SH3BGRL: variants seen among roughly 807,000 people sequenced by gnomAD.
SH3BGRL encodes the protein adapter SH3BGRL.
In SH3BGRL, 7 loss-of-function variants were observed where a neutral mutation model predicts 9.8. The ratio of observed to expected loss-of-function variants is 0.72; its 90% CI spans 0.41 to 1.35. SH3BGRL has a LOEUF of 1.35. Among genes scored for constraint, SH3BGRL ranks in the 40% most tolerant of loss-of-function variants. The pLI, the probability that SH3BGRL is intolerant of heterozygous loss-of-function variation, is 0.01. For missense variants in SH3BGRL, 73 were observed against 84.4 expected (o/e 0.86, Z 0.53); for synonymous variants, 36 against 29.1 (o/e 1.24, Z -0.76).
intron 1 of SH3BGRL, among the ~76,000 whole-genome samples, chrX:81,259,138 T>C (rs1224874185): frequency 8.9e-6 from 1 of 111,963 alleles, no homozygotes; most frequent in African/African-American, 3.2e-5. Flanking sequence ...GCTACCAAAT[T>C]TGGTTTGCAT....
At chrX:81,268,941 T>C (rs2075767154) in intron 1 of SH3BGRL, among the ~76,000 whole-genome samples, 2 of 112,161 alleles carry the variant, frequency 1.8e-5, no homozygotes, top group African/African-American at 6.5e-5. Context: ...TTAGCTCTTC[T>C]TGTTGAATTG....
rs2075529628 is a variant in SH3BGRL, at chrX:81,202,162, C to T, written c.-39C>T. ...CCATTGCTGCAGCTGCTCCACAGCCCTTTTCAGGACCCAAACAACCGCAGC... is the reference window on the plus strand; with the variant it reads ...CCATTGCTGCAGCTGCTCCACAGCCTTTTTCAGGACCCAAACAACCGCAGC... On this transcript the variant is annotated 5_prime_UTR_variant, in exon 1 of 4. Coordinates refer to ENST00000373212, the MANE Select transcript of SH3BGRL (RefSeq NM_003022.3). 1.7e-6 allele frequency: 2 copies of T among 1,194,730 alleles called. No individual in the cohort carries two copies. The highest frequency in any genetic ancestry group is 2.3e-6 in the Non-Finnish European group (2 of 883,536).
chrX:81,253,307 A>G (rs973393549), intron 1 of SH3BGRL, among the ~76,000 whole-genome samples: 1 of 112,244 alleles, frequency 8.9e-6, no homozygotes, highest in Non-Finnish European at 1.9e-5. Flanking sequence ...GAGATGGAAG[A>G]GTTCAGTCTG....
chrX:81,290,573 G>A (rs903571066), intron 3 of SH3BGRL, among the ~76,000 whole-genome samples: 3 of 110,717 alleles, frequency 2.7e-5, no homozygotes, highest in Non-Finnish European at 5.7e-5. Flanking sequence ...GTTACCAGAG[G>A]TTGAGAAAGG....
intron 1 of SH3BGRL, among the ~76,000 whole-genome samples, chrX:81,226,411 A>T (rs2147676533): frequency 9.4e-6 from 1 of 106,659 alleles, no homozygotes; most frequent in Admixed American, 1.0e-4. Flanking sequence ...CCAGCTTCTA[A>T]TTTGAGCCTC....
rs2075878770 is a variant in SH3BGRL at position 81,297,355 on chromosome X, A to G, written c.*128A>G. 1 of 508,525 alleles carries G rather than the reference A, an allele frequency of 2.0e-6. No homozygotes were observed. The highest frequency in any genetic ancestry group is 3.2e-6 in the Non-Finnish European group (1 of 308,810). 41.9% of individuals were successfully genotyped at this position (508,525 alleles called of 1,213,427 possible). The stretch of plus-strand genomic sequence containing the variant: ...AATAATAGATTAGTTGGGTTTTCAC[A>G]TGCAAACATTCAAAATGAATACAAA... On this transcript the variant is annotated 3_prime_UTR_variant, in exon 4 of 4. Transcript: ENST00000373212.
At position 81,297,398 on chromosome X, in the gene SH3BGRL, A is replaced by G. The variant is rs951839132; in HGVS notation, c.*171A>G. ...AATACAAAATTAAAATTTGAACATT[A>G]TGGTGATTATGGTGAGGAGAATGGG... is the stretch of plus-strand genomic sequence containing the variant. On this transcript the variant is annotated 3_prime_UTR_variant, in exon 4 of 4. Transcript: ENST00000373212. 5.0e-6 allele frequency: 2 copies of G among 401,222 alleles called. No homozygotes were observed. The highest frequency in any genetic ancestry group is 8.8e-6 in the Non-Finnish European group (2 of 228,321). 33.1% of individuals were successfully genotyped at this position (401,222 alleles called of 1,213,427 possible). A position where few individuals can be genotyped will look rare whatever the true frequency, so the allele number is the denominator to read the frequency against.
chrX:81,282,775 C>T (rs1287812263), intron 3 of SH3BGRL, among the ~76,000 whole-genome samples: 1 of 111,312 alleles, frequency 9.0e-6, no homozygotes, highest in Non-Finnish European at 1.9e-5. Flanking sequence ...ACTAAAGAAA[C>T]AAGAACAAAC....
chrX:81,280,640 G>A (rs997313233), intron 3 of SH3BGRL, among the ~76,000 whole-genome samples: 2 of 111,919 alleles, frequency 1.8e-5, no homozygotes, highest in Non-Finnish European at 3.8e-5. Context: ...CATCAAGGGA[G>A]CACCCCATGG....
intron 1 of SH3BGRL, among the ~76,000 whole-genome samples, chrX:81,225,301 A>C (rs2075613373): frequency 9.0e-6 from 1 of 111,195 alleles, no homozygotes; most frequent in African/African-American, 3.3e-5. Flanking sequence ...TTTATAATTT[A>C]GGGGGTACAA....
At chrX:81,233,831 C>T (rs962741808) in intron 1 of SH3BGRL, among the ~76,000 whole-genome samples, 2 of 111,431 alleles carry the variant, frequency 1.8e-5, no homozygotes, top group Admixed American at 9.6e-5. Context: ...TTTCATTGTT[C>T]GACTAAGACA....
chrX:81,233,990 C>T (rs1371965579), intron 1 of SH3BGRL, among the ~76,000 whole-genome samples: 1 of 111,427 alleles, frequency 9.0e-6, no homozygotes, highest in Non-Finnish European at 1.9e-5. Flanking sequence ...TTTAAATGTC[C>T]TGTTGAGGAA....
At chrX:81,232,394 T>C (rs1264348795) in intron 1 of SH3BGRL, among the ~76,000 whole-genome samples, 1 of 106,205 alleles carries the variant, frequency 9.4e-6, no homozygotes, top group Non-Finnish European at 1.9e-5. Flanking sequence ...AGTAGTGAAT[T>C]AGTGATGATG....
intron 1 of SH3BGRL, among the ~76,000 whole-genome samples, chrX:81,252,285 C>T (rs2075713227): frequency 9.0e-6 from 1 of 111,647 alleles, no homozygotes; most frequent in Admixed American, 9.6e-5. Context: ...ATCCAATACC[C>T]GTTTGCTGTC....
At chrX:81,246,318 G>A (rs1039365044) in intron 1 of SH3BGRL, among the ~76,000 whole-genome samples, 13 of 111,388 alleles carry the variant, frequency 1.2e-4, no homozygotes, top group South Asian at 7.5e-4. Flanking sequence ...CTTTAATTAC[G>A]TCACACTTGT....
At chrX:81,231,441 A>T (rs2075632674) in intron 1 of SH3BGRL, among the ~76,000 whole-genome samples, 1 of 112,362 alleles carries the variant, frequency 8.9e-6, no homozygotes, top group Admixed American at 9.4e-5. Context: ...GTCATTATTC[A>T]TATTCATCAC....
Position 81,297,317 on chromosome X carries a change from G to A in SH3BGRL, c.*90G>A. ...AATTAGCTTTGCTTCAAAAGAAATA[G>A]GCTTAATGTTGAAATAATAGATTAG... On this transcript the variant is annotated 3_prime_UTR_variant, in exon 4 of 4. Coordinates refer to ENST00000373212, the MANE Select transcript of SH3BGRL (RefSeq NM_003022.3). 6 of 703,810 alleles carry A rather than the reference G, an allele frequency of 8.5e-6. No homozygotes were observed. The highest frequency in any genetic ancestry group is 3.3e-5 in the South Asian group (1 of 30,187). 58.0% of individuals were successfully genotyped at this position (703,810 alleles called of 1,213,427 possible).
At position 81,213,990 on chromosome X, in the gene SH3BGRL, G is replaced by T. The variant is rs949398860; in HGVS notation, c.45+11745G>T. ...AACTCACTAGGAAAAAGGAATTATG[G>T]CATGAGATGAGAAGAGAGCTGAAAA... is the stretch of plus-strand genomic sequence containing the variant. On this transcript the variant is annotated intron_variant, in intron 1 of 3. Transcript: ENST00000373212. 2.7e-5 allele frequency among the ~76,000 whole-genome samples: 3 copies of T among 111,756 alleles called. 1 individual carries two copies. The Admixed American group carries it at 2.9e-4, about 11-fold the overall frequency.
chrX:81,294,014 T>G (rs1402346939), intron 3 of SH3BGRL, among the ~76,000 whole-genome samples: 1 of 111,444 alleles, frequency 9.0e-6, no homozygotes, highest in Non-Finnish European at 1.9e-5. Context: ...GAAGAAATTT[T>G]GAAGCAGTAA....
Sources: allele counts gnomAD v4.1 joint callset (sites outside exome capture counted in the v4.1 genomes callset), GRCh38; gene constraint gnomAD v4.1.1; transcripts MANE v1.5; gene names NCBI Gene and HGNC (gene_info 2026-07-23, HGNC 2026-07-21).